The following CD163L1 variants were observed in gnomAD, a reference collection of about 807,000 sequenced individuals.
CD163L1 encodes the protein scavenger receptor cysteine-rich type 1 protein M160.
In CD163L1, 124 loss-of-function variants were observed where a neutral mutation model predicts 165.4. The observed-to-expected ratio is 0.75, with a 90% CI of 0.65 to 0.87. The LOEUF is 0.87. CD163L1 is among the 40% of genes least tolerant of loss of function. The pLI is 0.00. For synonymous variants in CD163L1, 585 were observed against 662.2 expected (o/e 0.88, Z 1.79); for missense variants, 1,525 against 1,799.9 (o/e 0.85, Z 2.76).
intron 2 of CD163L1, among the ~76,000 whole-genome samples, chr12:7,440,420 C>T (rs1229991529): frequency 1.3e-5 from 2 of 151,378 alleles, no homozygotes; most frequent in Non-Finnish European, 2.9e-5. Flanking sequence ...CCGGCCAGCT[C>T]CCGCGCCCAG....
At chr12:7,341,189 T>C in the CD163L1 span, among the ~76,000 whole-genome samples, 1 of 152,160 alleles carries the variant, frequency 6.6e-6, no homozygotes, top group African/African-American at 2.4e-5. Context: ...CACAGAACAT[T>C]AGCTCTAGAA....
At position 7,375,983 on chromosome 12, in the gene CD163L1, ATCAGC is replaced by A. The variant is rs751441121; in HGVS notation, c.2398_2402del (p.Ala800TyrfsTer8). The A allele has an allele frequency of 2.5e-6, 4 of 1,614,180 alleles. No individual in the cohort carries two copies. The East Asian group carries it at 8.9e-5, about 36-fold the overall frequency. The stretch of plus-strand genomic sequence containing the variant: ...CTTCAACACGTCCAGAGCAGGGCAT[ATCAGC>A]TCCAACCAGCCTGGGCTGCCTGTGG... On this transcript the variant is annotated frameshift_variant, in exon 10 of 20. Transcript: ENST00000313599. LOFTEE classifies it high-confidence loss of function.
chr12:7,332,579 G>T, the CD163L1 span, among the ~76,000 whole-genome samples: 1 of 152,228 alleles, frequency 6.6e-6, no homozygotes, highest in Non-Finnish European at 1.5e-5. Flanking sequence ...ACTAACAGCT[G>T]ATCTCTCAGC....
the CD163L1 span, chr12:7,328,506 G>A: frequency 3.0e-6 from 2 of 672,730 alleles, no homozygotes; most frequent in South Asian, 3.0e-5. Context: ...TTGATTTTTT[G>A]GTTTTTACTT....
At chr12:7,431,158 C>CA (rs1948621249) in intron 4 of CD163L1, among the ~76,000 whole-genome samples, 1 of 152,028 alleles carries the variant, frequency 6.6e-6, no homozygotes, top group African/African-American at 2.4e-5. Context: ...TGCGGTGGCT[C>CA]ACGGCTGTAA....
rs771201069 is a variant in CD163L1 at position 7,408,359 on chromosome 12, T to C, written c.767-1507A>G. On this transcript the variant is annotated intron_variant, in intron 4 of 19. Transcript: ENST00000313599. ...AGAATATAGAACTTTGTTACCCCAT[T>C]CACTCATTGAAAGACAGTTAGTCAC... is the stretch of plus-strand genomic sequence containing the variant. Among the ~76,000 whole-genome samples, 3 of 152,200 alleles carry C rather than the reference T, an allele frequency of 2.0e-5. No individual in the cohort carries two copies. The East Asian group carries it at 5.8e-4, about 29-fold the overall frequency.
At chr12:7,436,575 C>T (rs983078165) in intron 2 of CD163L1, among the ~76,000 whole-genome samples, 3 of 152,000 alleles carry the variant, frequency 2.0e-5, no homozygotes, top group East Asian at 1.9e-4. Flanking sequence ...AGTTCCAGAT[C>T]GGCCTGGACA....
chr12:7,325,354 A>G, the CD163L1 span, among the ~76,000 whole-genome samples: 198 of 152,374 alleles, frequency 1.3e-3, 4 homozygotes, highest in Admixed American at 0.011. Context: ...CAAGACAAAT[A>G]GAAAATGGTG....
chr12:7,413,172 TAAG>T (rs1213951686), intron 4 of CD163L1, among the ~76,000 whole-genome samples: 1 of 148,304 alleles, frequency 6.7e-6, no homozygotes, highest in Non-Finnish European at 1.5e-5. Context: ...TTAAAGAGGA[TAAG>T]AAGGACAGTT....
chr12:7,331,105 A>G, the CD163L1 span, among the ~76,000 whole-genome samples: 1 of 152,222 alleles, frequency 6.6e-6, no homozygotes, highest in Non-Finnish European at 1.5e-5. Flanking sequence ...CACTTTTCCA[A>G]TGGGCTTAAC....
At chr12:7,360,863 C>T (rs1156409117) in intron 18 of CD163L1, among the ~76,000 whole-genome samples, 2 of 151,954 alleles carry the variant, frequency 1.3e-5, no homozygotes, top group South Asian at 2.1e-4. Context: ...AATTTTGGTT[C>T]GTATGTTGGA....
At chr12:7,331,500 G>C in the CD163L1 span, among the ~76,000 whole-genome samples, 2 of 152,218 alleles carry the variant, frequency 1.3e-5, no homozygotes, top group African/African-American at 4.8e-5. Context: ...GTGGGTCCCT[G>C]ACCCCTGAGT....
At chr12:7,397,586 C>G (rs1311912578) in intron 7 of CD163L1, among the ~76,000 whole-genome samples, 1 of 152,170 alleles carries the variant, frequency 6.6e-6, no homozygotes, top group Non-Finnish European at 1.5e-5. Context: ...CCATCCACCT[C>G]TGTGTGAGAA....
At chr12:7,338,836 C>G in the CD163L1 span, among the ~76,000 whole-genome samples, 1 of 152,152 alleles carries the variant, frequency 6.6e-6, no homozygotes, top group Non-Finnish European at 1.5e-5. Flanking sequence ...GATGGCAGAG[C>G]TGGGCAGAGA....
Position 7,398,243 on chromosome 12 carries a change from A to G in CD163L1, c.1729+21T>C. On this transcript the variant is annotated intron_variant, in intron 7 of 19. Transcript: ENST00000313599. The surrounding 1 kb of genome is among the most constrained non-coding windows in gnomAD (Gnocchi z 4.5). ...ATACTATTTCTCTTATCAGGAAATA[A>G]TAAACAAGAACAAGTCTTACCTGAG... The G allele has an allele frequency of 6.3e-7, 1 of 1,589,204 alleles. No individual in the cohort carries two copies. Among genetic ancestry groups the G allele is most frequent in the South Asian group, 1.1e-5 (1 of 87,646 alleles).
At chr12:7,411,671 A>G (rs747611681) in intron 4 of CD163L1, among the ~76,000 whole-genome samples, 4 of 152,238 alleles carry the variant, frequency 2.6e-5, no homozygotes, top group Non-Finnish European at 4.4e-5. Context: ...ATTCATGTAC[A>G]GCCTGCAGAA....
At chr12:7,385,583 T>C (rs1020958951) in intron 8 of CD163L1, among the ~76,000 whole-genome samples, 3 of 151,944 alleles carry the variant, frequency 2.0e-5, no homozygotes, top group African/African-American at 7.2e-5. Context: ...ACATAAAACG[T>C]TTTCCAGAAT....
At chr12:7,380,295 G>GTGTATACACATATACATACATATA (rs1565783998) in intron 8 of CD163L1, among the ~76,000 whole-genome samples, 38 of 77,984 alleles carry the variant, frequency 4.9e-4, no homozygotes, top group East Asian at 8.0e-4. Flanking sequence ...GTGTGTGTGT[G>GTGTATACACATATACATACATATA]TGTGTGTATA....
At chr12:7,331,838 CA>C in the CD163L1 span, among the ~76,000 whole-genome samples, 1 of 152,196 alleles carries the variant, frequency 6.6e-6, no homozygotes. Context: ...GGGGAAAAAA[CA>C]GAGCAGAAAA....
Sources: gnomAD v4.1 joint callset for allele counts (sites outside exome capture counted in the v4.1 genomes callset) on GRCh38, gnomAD v4.1.1 for gene constraint, Gnocchi (gnomAD v3.1) non-coding constraint, MANE v1.5 for transcripts, NCBI Gene and HGNC (gene_info 2026-07-23, HGNC 2026-07-21) for gene names.